The following GADL1 variants were observed in gnomAD, a reference collection of about 807,000 sequenced individuals.
GADL1 encodes acidic amino acid decarboxylase GADL1.
In GADL1, 71 loss-of-function variants were observed where a neutral mutation model predicts 69.5. The ratio of observed to expected loss-of-function variants is 1.02; its 90% CI spans 0.84 to 1.25. The LOEUF is 1.25. Ranked by LOEUF, GADL1 falls within the 50% of genes most tolerant of loss-of-function variation. The pLI is 0.00. For synonymous variants in GADL1, 254 were observed against 214.4 expected, an observed-to-expected ratio of 1.18 and a Z score of -1.62; for missense variants, 737 against 631.8, an observed-to-expected ratio of 1.17 and a Z score of -1.79.
intron 14 of GADL1, among the ~76,000 whole-genome samples, chr3:30,737,728 A>G (rs1695559657): frequency 1.3e-5 from 2 of 152,196 alleles, no homozygotes; most frequent in Admixed American, 1.3e-4. Context: ...GAAAAAAGCC[A>G]TACTTTGATT....
chr3:30,794,954 A>G (rs1455571663), intron 12 of GADL1, among the ~76,000 whole-genome samples: 1 of 152,166 alleles, frequency 6.6e-6, no homozygotes, highest in African/African-American at 2.4e-5. Flanking sequence ...TTATCAAAGG[A>G]AAAGAGTTGC....
intron 14 of GADL1, among the ~76,000 whole-genome samples, chr3:30,756,948 G>A (rs549721884): frequency 6.6e-6 from 1 of 152,158 alleles, no homozygotes; most frequent in Non-Finnish European, 1.5e-5. Flanking sequence ...GAGTCCATGG[G>A]GGGGACATGT....
chr3:30,767,929 T>C (rs374280245), intron 14 of GADL1, among the ~76,000 whole-genome samples: 3 of 151,980 alleles, frequency 2.0e-5, no homozygotes, highest in East Asian at 3.9e-4. Flanking sequence ...AAAAAATGAA[T>C]ACACTGACAA....
intron 11 of GADL1, among the ~76,000 whole-genome samples, chr3:30,825,777 T>TGG (rs1697671567): frequency 6.6e-6 from 1 of 151,698 alleles, no homozygotes; most frequent in South Asian, 2.1e-4. Context: ...TGTCCTCAGG[T>TGG]GGGGAACAAG....
intron 14 of GADL1, among the ~76,000 whole-genome samples, chr3:30,756,724 A>ATG (rs1211896583): frequency 1.8e-4 from 27 of 152,166 alleles, no homozygotes. Context: ...GTTGTCCCAG[A>ATG]TGAGGCCATC....
At chr3:30,819,126 A>G (rs1443993770) in intron 11 of GADL1, among the ~76,000 whole-genome samples, 2 of 151,972 alleles carry the variant, frequency 1.3e-5, no homozygotes, top group South Asian at 2.1e-4. Context: ...AGTTTCACCT[A>G]GAATTCGAGC....
intron 11 of GADL1, among the ~76,000 whole-genome samples, chr3:30,830,976 A>G (rs1697779357): frequency 7.2e-6 from 1 of 138,990 alleles, no homozygotes; most frequent in South Asian, 2.2e-4. Flanking sequence ...ATAATAATTG[A>G]TAATTGAGCC....
Position 30,854,767 on chromosome 3 carries a change from T to G in GADL1, c.360A>C (p.Gln120His). Residue 120 changes from glutamine to histidine, a missense_variant, in exon 4 of 15, where the codon CAA becomes CAC. Physicochemically the swap from Gln to His is conservative, Grantham distance 24. Transcript: ENST00000282538. Reference protein sequence around the residue: ...VKTNHPRFFNQLYAGLDYYSL... With the variant: ...VKTNHPRFFNHLYAGLDYYSL... ...AGTAATAATCAAGTCCAGCATACAA[T>G]TGGTTGAAAAATCTTGGGTGGTCTG... The G allele has an allele frequency of 6.5e-7, 1 of 1,548,696 alleles. No homozygotes were observed. The highest frequency in any genetic ancestry group is 8.7e-7 in the Non-Finnish European group (1 of 1,144,924).
intron 8 of GADL1, 93 bp downstream of exon 8, chr3:30,844,117 A>G: frequency 1.1e-6 from 1 of 935,960 alleles, no homozygotes; most frequent in Non-Finnish European, 1.7e-6. Context: ...GGCTGTTTGC[A>G]TTCTCTCCTT....
chr3:30,796,065 ATTC>A (rs1697026383), intron 12 of GADL1, among the ~76,000 whole-genome samples: 1 of 152,238 alleles, frequency 6.6e-6, no homozygotes, highest in African/African-American at 2.4e-5. Context: ...ATTAGAAAGT[ATTC>A]TTAGACTGTA....
chr3:30,842,822 TAAA>T (rs558126002), intron 8 of GADL1, among the ~76,000 whole-genome samples: 1 of 103,488 alleles, frequency 9.7e-6, no homozygotes, highest in Non-Finnish European at 1.8e-5. Flanking sequence ...TTGGAATGTT[TAAA>T]AAAAAAAAAA....
chr3:30,810,757 G>A (rs748953750), intron 11 of GADL1, among the ~76,000 whole-genome samples: 10 of 151,902 alleles, frequency 6.6e-5, no homozygotes, highest in Admixed American at 2.0e-4. Context: ...CTTTCTTCTC[G>A]CTTGTCATCC....
intron 11 of GADL1, among the ~76,000 whole-genome samples, chr3:30,809,209 CT>C (rs1575215371): frequency 6.6e-6 from 1 of 152,158 alleles, no homozygotes; most frequent in African/African-American, 2.4e-5. Flanking sequence ...TATGGCATGT[CT>C]TTAATTCATT....
intron 11 of GADL1, among the ~76,000 whole-genome samples, chr3:30,807,115 G>T (rs1697269482): frequency 6.6e-6 from 1 of 152,086 alleles, no homozygotes; most frequent in African/African-American, 2.4e-5. Context: ...AAAATCAAAG[G>T]AACTAATGTT....
intron 14 of GADL1, among the ~76,000 whole-genome samples, chr3:30,759,031 CTT>C (rs1260395870): frequency 7.2e-6 from 1 of 139,730 alleles, no homozygotes; most frequent in Non-Finnish European, 1.6e-5. Context: ...TAATTTCAAA[CTT>C]GAGTTAGGTG....
At chr3:30,849,073 C>A (rs1402023552) in intron 6 of GADL1, among the ~76,000 whole-genome samples, 1 of 152,078 alleles carries the variant, frequency 6.6e-6, no homozygotes, top group Non-Finnish European at 1.5e-5. Context: ...TGTTGCCATG[C>A]CCTTTTATAC....
chr3:30,871,426 A>G (rs572222096), intron 1 of GADL1, among the ~76,000 whole-genome samples: 20 of 151,888 alleles, frequency 1.3e-4, no homozygotes, highest in African/African-American at 4.8e-4. Context: ...ACTCTCTCCT[A>G]CAATACCATT....
At chr3:30,881,430 C>T (rs1234459759) in intron 1 of GADL1, among the ~76,000 whole-genome samples, 1 of 151,688 alleles carries the variant, frequency 6.6e-6, no homozygotes. Context: ...AACTAGAAGA[C>T]AAAACAATGG....
At chr3:30,748,798 C>A (rs1249073161) in intron 14 of GADL1, among the ~76,000 whole-genome samples, 2 of 152,180 alleles carry the variant, frequency 1.3e-5, no homozygotes, top group Non-Finnish European at 1.5e-5. Context: ...TATAATTCAA[C>A]CGTTACATTT....
Sources: gnomAD v4.1 joint callset for allele counts (sites outside exome capture counted in the v4.1 genomes callset) on GRCh38, gnomAD v4.1.1 for gene constraint, MANE v1.5 for transcripts, NCBI Gene and HGNC (gene_info 2026-07-23, HGNC 2026-07-21) for gene names.